POU3F3: variants seen among roughly 807,000 people sequenced by gnomAD.
POU3F3 encodes the protein POU domain, class 3, transcription factor 3.
In POU3F3, 1 loss-of-function variant was observed where a neutral mutation model predicts 8.6. The ratio of observed to expected loss-of-function variants is 0.12; its 90% CI spans 0.04 to 0.55. The LOEUF is 0.55. POU3F3 is among the 20% of genes least tolerant of loss of function. The pLI, the probability that POU3F3 is intolerant of heterozygous loss-of-function variation, is 0.91. For missense variants in POU3F3, 577 were observed against 690.7 expected, an observed-to-expected ratio of 0.84 and a Z score of 1.84; for synonymous variants, 418 against 327.4, an observed-to-expected ratio of 1.28 and a Z score of -2.99.
At chr2:104,868,219 G>A in the POU3F3 span, 3 of 455,898 alleles carry the variant, frequency 6.6e-6, no homozygotes, top group Non-Finnish European at 1.3e-5. Flanking sequence ...TGGGAGAGGC[G>A]CTGCTCTGGC....
chr2:104,854,006 A>C (rs1002636155), upstream of POU3F3, among the ~76,000 whole-genome samples: 1 of 152,156 alleles, frequency 6.6e-6, no homozygotes, highest in African/African-American at 2.4e-5. The surrounding 1 kb of genome is among the most constrained non-coding windows in gnomAD (Gnocchi z 4.5). Flanking sequence ...AGTCATTCCG[A>C]GCCTGCCAAT....
At chr2:104,906,821 C>A in the POU3F3 span, among the ~76,000 whole-genome samples, 63 of 152,240 alleles carry the variant, frequency 4.1e-4, no homozygotes, top group Non-Finnish European at 6.9e-4. Flanking sequence ...ACTTATTCTC[C>A]ACATCAGTCT....
chr2:104,916,779 C>A, the POU3F3 span, among the ~76,000 whole-genome samples: 5 of 152,146 alleles, frequency 3.3e-5, no homozygotes, highest in African/African-American at 1.2e-4. Context: ...GGCTGCCTAA[C>A]AGAGAGAGCA....
At position 104,856,554 on chromosome 2, in the gene POU3F3, C is replaced by T; in HGVS notation, c.1044C>T (p.Gly348=). ...FTQADVGLAL[G]TLYGNVFSQT... Reference sequence around the variant, plus strand: ...AGGCCGACGTGGGGTTGGCGCTGGGCACACTCTACGGCAACGTGTTCTCGC... The same window carrying T: ...AGGCCGACGTGGGGTTGGCGCTGGGTACACTCTACGGCAACGTGTTCTCGC... The change falls in exon 1 of 1, where the codon GGC becomes GGT. Residue 348 remains glycine, a synonymous_variant. Coordinates refer to ENST00000361360, the MANE Select transcript of POU3F3 (RefSeq NM_006236.3). 6.2e-7 allele frequency: 1 copy of T among 1,614,176 alleles called. No homozygotes were observed. Among genetic ancestry groups the T allele is most frequent in the East Asian group, 2.2e-5 (1 of 44,876 alleles).
At chr2:104,860,539 C>T (rs1342475419), downstream of POU3F3, among the ~76,000 whole-genome samples, 2 of 152,140 alleles carry the variant, frequency 1.3e-5, no homozygotes, top group African/African-American at 4.8e-5. Context: ...ATCCAACCCC[C>T]CCTCCCCTTC....
the POU3F3 span, among the ~76,000 whole-genome samples, chr2:104,924,542 C>A: frequency 6.6e-6 from 1 of 152,140 alleles, no homozygotes; most frequent in African/African-American, 2.4e-5. Context: ...GATTTGTCTC[C>A]AAGAAGCATC....
At position 104,854,487 on chromosome 2, in the gene POU3F3, T is replaced by C. The variant is rs982425579; in HGVS notation, c.-1024T>C. ...CCAACCCCAACCGTCAGCAACAAGGTAACAGAGCGATTCGACATCATTTTT... is the reference window on the plus strand; with the variant it reads ...CCAACCCCAACCGTCAGCAACAAGGCAACAGAGCGATTCGACATCATTTTT... On this transcript the variant is annotated 5_prime_UTR_variant, in exon 1 of 1. An upstream open reading frame in the 5' UTR loses its in-frame stop. Coordinates refer to ENST00000361360, the MANE Select transcript of POU3F3 (RefSeq NM_006236.3). The surrounding 1 kb of genome is among the most constrained non-coding windows in gnomAD (Gnocchi z 4.5). Among the ~76,000 whole-genome samples, 1 of 152,196 alleles carries C rather than the reference T, an allele frequency of 6.6e-6. No homozygotes were observed. The highest frequency in any genetic ancestry group is 1.5e-5 in the Non-Finnish European group (1 of 68,030).
the POU3F3 span, among the ~76,000 whole-genome samples, chr2:104,896,967 C>A: frequency 6.6e-6 from 1 of 152,202 alleles, no homozygotes; most frequent in Non-Finnish European, 1.5e-5. Context: ...TGCCCTTTTT[C>A]AGGGGCAGTC....
chr2:104,888,101 C>T, the POU3F3 span, among the ~76,000 whole-genome samples: 59 of 152,282 alleles, frequency 3.9e-4, no homozygotes, highest in South Asian at 2.1e-3. Context: ...AGATATAATG[C>T]GCCTGTAGTA....
chr2:104,872,166 GA>G, the POU3F3 span: 1 of 451,650 alleles, frequency 2.2e-6, no homozygotes, highest in Non-Finnish European at 4.4e-6. The surrounding 1 kb of genome is among the most constrained non-coding windows in gnomAD (Gnocchi z 4.6). Context: ...CCCCTGCAGG[GA>G]TGCCCTGCGC....
At chr2:104,878,250 A>T in the POU3F3 span, among the ~76,000 whole-genome samples, 1 of 152,138 alleles carries the variant, frequency 6.6e-6, no homozygotes, top group East Asian at 1.9e-4. Context: ...AAAATCATGC[A>T]ATTTACCCAA....
Position 104,856,542 on chromosome 2 carries a change from G to T in POU3F3, c.1032G>T (p.Gly344=). ...TGGGCTTCACGCAGGCCGACGTGGG[G>T]TTGGCGCTGGGCACACTCTACGGCA... ...IKLGFTQADV[G]LALGTLYGNV... is the part of the protein sequence containing the mutation. The change falls in exon 1 of 1, where the codon GGG becomes GGT. Residue 344 remains glycine, a synonymous_variant. Transcript: ENST00000361360. 1 of 1,614,124 alleles carries T rather than the reference G, an allele frequency of 6.2e-7. No individual in the cohort carries two copies. Among genetic ancestry groups the T allele is most frequent in the Non-Finnish European group, 8.5e-7 (1 of 1,180,024 alleles).
At chr2:104,853,658 A>T (rs1676487389), upstream of POU3F3, 1 of 152,246 alleles carries the variant, frequency 6.6e-6, no homozygotes, top group African/African-American at 2.4e-5. Flanking sequence ...GACGCGTACT[A>T]GGTGGGGTGG....
the POU3F3 span, among the ~76,000 whole-genome samples, chr2:104,898,855 G>A: frequency 4.6e-5 from 7 of 152,158 alleles, no homozygotes; most frequent in African/African-American, 1.4e-4. Flanking sequence ...TATTCCAGTA[G>A]TCCACTTTGG....
Position 104,856,671 on chromosome 2 carries a change from G to A in POU3F3, c.1161G>A (p.Ala387=), listed in dbSNP as rs745546456. Reference sequence around the variant, plus strand: ...TGCTGAACAAGTGGCTGGAGGAGGCGGACTCAAGCACCGGCAGCCCCACAA... The same window carrying A: ...TGCTGAACAAGTGGCTGGAGGAGGCAGACTCAAGCACCGGCAGCCCCACAA... The part of the protein sequence containing the change: ...KPLLNKWLEE[A]DSSTGSPTSI... Residue 387 remains alanine, a synonymous_variant, in exon 1 of 1, where the codon GCG becomes GCA. Transcript: ENST00000361360. 4 of 1,614,134 alleles carry A rather than the reference G, an allele frequency of 2.5e-6. No individual in the cohort carries two copies. The highest frequency in any genetic ancestry group is 3.4e-6 in the Non-Finnish European group (4 of 1,180,040).
At chr2:104,876,032 A>C in the POU3F3 span, among the ~76,000 whole-genome samples, 1 of 152,140 alleles carries the variant, frequency 6.6e-6, no homozygotes, top group Non-Finnish European at 1.5e-5. Context: ...TTAACTTTTG[A>C]ATCTAGCTTT....
chr2:104,900,666 G>A, the POU3F3 span, among the ~76,000 whole-genome samples: 2 of 152,186 alleles, frequency 1.3e-5, no homozygotes, highest in Admixed American at 1.3e-4. Context: ...CTTATGACAT[G>A]TCAGGGGCAC....
chr2:104,905,859 C>T, the POU3F3 span, among the ~76,000 whole-genome samples: 1 of 152,220 alleles, frequency 6.6e-6, no homozygotes, highest in Non-Finnish European at 1.5e-5. Flanking sequence ...CATCTGCAAA[C>T]ATCCTGTTTC....
the POU3F3 span, among the ~76,000 whole-genome samples, chr2:104,917,425 T>C: frequency 1.3e-5 from 2 of 152,130 alleles, no homozygotes; most frequent in Non-Finnish European, 2.9e-5. Flanking sequence ...TGACTTAGAA[T>C]TGATTGATAT....
Sources: allele counts gnomAD v4.1 joint callset (sites outside exome capture counted in the v4.1 genomes callset), GRCh38; gene constraint gnomAD v4.1.1; non-coding constraint Gnocchi (gnomAD v3.1); transcripts MANE v1.5; gene names NCBI Gene and HGNC (gene_info 2026-07-23, HGNC 2026-07-21).